The following PRKCI variants were observed in gnomAD, a reference collection of about 807,000 sequenced individuals.
PRKCI encodes protein kinase C iota.
Under a neutral mutation model 84.0 loss-of-function variants are expected in PRKCI, and 43 were observed. The observed-to-expected ratio is 0.51, with a 90% CI of 0.40 to 0.66. PRKCI has a LOEUF of 0.66. PRKCI is among the 30% of genes least tolerant of loss of function. PRKCI has a pLI of 0.00. For missense variants in PRKCI, 459 were observed against 745.6 expected, an observed-to-expected ratio of 0.62 and a Z score of 4.48; for synonymous variants, 216 against 234.4, an observed-to-expected ratio of 0.92 and a Z score of 0.72.
At chr3:170,296,079 C>A in intron 15 of PRKCI, 89 bp downstream of exon 15, 2 of 701,738 alleles carry the variant, frequency 2.9e-6, no homozygotes, top group Non-Finnish European at 4.4e-6. Flanking sequence ...TGTAAAATTC[C>A]AAAACAGTAG....
intron 2 of PRKCI, chr3:170,244,731 C>T (rs774207870): frequency 2.6e-5 from 4 of 152,058 alleles, no homozygotes; most frequent in Admixed American, 6.6e-5. Context: ...ATTACTCACC[C>T]CCCAATGGGG....
At chr3:170,266,842 A>T (rs1279231561) in intron 4 of PRKCI, among the ~76,000 whole-genome samples, 1 of 152,008 alleles carries the variant, frequency 6.6e-6, no homozygotes, top group African/African-American at 2.4e-5. Flanking sequence ...AAAATACAAA[A>T]ATTAGCCGGG....
intron 10 of PRKCI, 170 bp from the exon 11 acceptor site, chr3:170,281,712 C>A: frequency 1.3e-6 from 1 of 786,842 alleles, no homozygotes; most frequent in Non-Finnish European, 1.8e-6. Context: ...TGCTGGTTTA[C>A]TTTCTCGTAT....
intron 2 of PRKCI, among the ~76,000 whole-genome samples, chr3:170,235,566 C>CTTTTTTT (rs199938459): frequency 7.3e-6 from 1 of 136,240 alleles, no homozygotes; most frequent in African/African-American, 2.7e-5. Flanking sequence ...ATTAACTTGA[C>CTTTTTTT]TTTTTTTTTT....
Position 170,303,515 on chromosome 3 carries a change from T to G in PRKCI, c.*388T>G, listed in dbSNP as rs1734874932. The G allele has an allele frequency of 1.3e-5, 3 of 234,024 alleles. No homozygotes were observed. Among genetic ancestry groups the G allele is most frequent in the Non-Finnish European group, 2.5e-5 (3 of 119,018 alleles). The allele number at this position is 234,024 out of a possible 1,614,324, so 14.5% of individuals were successfully genotyped here. A position where few individuals can be genotyped will look rare whatever the true frequency, so the allele number is the denominator to read the frequency against. ...TTTTGTCATTCTGTGTTAAATCATTTCAGGGTTTAATTTTGAAATAAAAGA... is the reference window on the plus strand; with the variant it reads ...TTTTGTCATTCTGTGTTAAATCATTGCAGGGTTTAATTTTGAAATAAAAGA... On this transcript the variant is annotated 3_prime_UTR_variant, in exon 18 of 18. Transcript: ENST00000295797.
intron 12 of PRKCI, among the ~76,000 whole-genome samples, chr3:170,286,006 C>A (rs1406481021): frequency 6.6e-6 from 1 of 151,738 alleles, no homozygotes; most frequent in Non-Finnish European, 1.5e-5. Flanking sequence ...CTCACTGCAA[C>A]CTCCACCTCC....
intron 13 of PRKCI, among the ~76,000 whole-genome samples, chr3:170,292,746 A>T (rs1179072595): frequency 2.0e-5 from 3 of 148,594 alleles, no homozygotes; most frequent in Non-Finnish European, 4.5e-5. Flanking sequence ...CACCTCCAGC[A>T]GTTGCCAACA....
chr3:170,278,092 C>T (rs939189661), intron 8 of PRKCI, among the ~76,000 whole-genome samples: 23 of 152,262 alleles, frequency 1.5e-4, no homozygotes, highest in Middle Eastern at 3.4e-3. Flanking sequence ...TCTAGGTCAG[C>T]TGTTTTCTTC....
chr3:170,300,379 T>A (rs1427289573), intron 17 of PRKCI, among the ~76,000 whole-genome samples: 13 of 152,222 alleles, frequency 8.5e-5, no homozygotes, highest in Admixed American at 8.5e-4. Context: ...ACAAGGGGTG[T>A]CCCTGCTATT....
At chr3:170,226,016 G>C (rs989126019) in intron 1 of PRKCI, among the ~76,000 whole-genome samples, 8 of 151,966 alleles carry the variant, frequency 5.3e-5, no homozygotes, top group Non-Finnish European at 1.0e-4. Flanking sequence ...AGGTTCAAGG[G>C]ATTCTCCTGC....
At chr3:170,290,143 A>G (rs1466944670) in intron 12 of PRKCI, among the ~76,000 whole-genome samples, 1 of 151,928 alleles carries the variant, frequency 6.6e-6, no homozygotes, top group Non-Finnish European at 1.5e-5. Context: ...TGTACCGTAT[A>G]ATCTATAGGA....
intron 5 of PRKCI, 60 bp downstream of exon 5, chr3:170,268,060 TGA>T: frequency 7.4e-7 from 1 of 1,351,474 alleles, no homozygotes; most frequent in Non-Finnish European, 1.0e-6. Context: ...CTTTCTACTA[TGA>T]AAGAAAGGTA....
intron 3 of PRKCI, among the ~76,000 whole-genome samples, chr3:170,262,832 C>CTTTTTTTT (rs748452040): frequency 7.5e-6 from 1 of 133,024 alleles, no homozygotes; most frequent in Non-Finnish European, 1.6e-5. Flanking sequence ...TTCTTTCTTT[C>CTTTTTTTT]TTTTTTTTTT....
intron 5 of PRKCI, among the ~76,000 whole-genome samples, chr3:170,268,971 A>G (rs992646394): frequency 5.3e-5 from 8 of 152,134 alleles, no homozygotes; most frequent in South Asian, 2.1e-4. Flanking sequence ...CTGGAGTGCA[A>G]TGGCACAGTC....
intron 8 of PRKCI, among the ~76,000 whole-genome samples, chr3:170,276,361 G>T (rs1455088329): frequency 6.6e-6 from 1 of 151,766 alleles, no homozygotes; most frequent in Non-Finnish European, 1.5e-5. Flanking sequence ...CCTCACTCCT[G>T]TATTATTTTG....
At chr3:170,255,144 T>TC (rs1201822046) in intron 2 of PRKCI, among the ~76,000 whole-genome samples, 2 of 138,896 alleles carry the variant, frequency 1.4e-5, no homozygotes, top group Non-Finnish European at 1.5e-5. Context: ...CACTGCAACC[T>TC]CCACCTCCCG....
chr3:170,236,106 A>AT (rs1732968640), intron 2 of PRKCI, among the ~76,000 whole-genome samples: 1 of 53,236 alleles, frequency 1.9e-5, no homozygotes, highest in Non-Finnish European at 4.0e-5. Context: ...TTTTAATTTA[A>AT]ATTTTTTTTT....
At chr3:170,284,325 A>G (rs1577369392) in intron 11 of PRKCI, 136 bp from the exon 12 acceptor site, 1 of 699,448 alleles carries the variant, frequency 1.4e-6, no homozygotes, top group East Asian at 3.0e-5. Flanking sequence ...GTGGTACTTC[A>G]GTTCATTTTT....
chr3:170,274,602 A>G (rs1177949335), intron 7 of PRKCI, among the ~76,000 whole-genome samples: 1 of 152,262 alleles, frequency 6.6e-6, no homozygotes, highest in Non-Finnish European at 1.5e-5. Context: ...GCAAGGAGGT[A>G]GAACAGCATG....
Sources: allele counts gnomAD v4.1 joint callset (sites outside exome capture counted in the v4.1 genomes callset), GRCh38; gene constraint gnomAD v4.1.1; transcripts MANE v1.5; gene names NCBI Gene and HGNC (gene_info 2026-07-23, HGNC 2026-07-21).